The following RIMBP2 variants were observed in gnomAD, a reference collection of about 807,000 sequenced individuals.
RIMBP2 encodes the protein RIMS binding protein 2.
A neutral mutation model predicts 118.6 loss-of-function variants in RIMBP2; 48 were observed. That is an observed-to-expected ratio of 0.40 (90% CI 0.32 to 0.51). The LOEUF (loss-of-function observed/expected upper bound fraction) is 0.51, where lower values mean the gene tolerates loss of function less well. RIMBP2 is among the 20% of genes least tolerant of loss of function. The pLI, the probability that RIMBP2 is intolerant of heterozygous loss-of-function variation, is 0.41. For synonymous variants in RIMBP2, 762 were observed against 742.9 expected, an observed-to-expected ratio of 1.03 and a Z score of -0.42; for missense variants, 1,551 against 1,768.3, an observed-to-expected ratio of 0.88 and a Z score of 2.20.
intron 2 of RIMBP2, among the ~76,000 whole-genome samples, chr12:130,585,478 C>G (rs2058822699): frequency 6.6e-6 from 1 of 151,906 alleles, no homozygotes; most frequent in Non-Finnish European, 1.5e-5. Flanking sequence ...AGGTTGTGGT[C>G]ATATGTGCCT....
intron 5 of RIMBP2, among the ~76,000 whole-genome samples, chr12:130,476,644 C>T (rs995779585): frequency 6.6e-6 from 1 of 152,228 alleles, no homozygotes; most frequent in Non-Finnish European, 1.5e-5. Context: ...CAGCCCTCGG[C>T]GTGGTGGGTG....
intron 1 of RIMBP2, among the ~76,000 whole-genome samples, chr12:130,689,568 T>G (rs2065221464): frequency 6.6e-6 from 1 of 152,130 alleles, no homozygotes; most frequent in Non-Finnish European, 1.5e-5. Flanking sequence ...CCAGGCTGTC[T>G]CCCGTGCAGT....
intron 2 of RIMBP2, among the ~76,000 whole-genome samples, chr12:130,612,809 TG>T (rs2060639864): frequency 6.6e-6 from 1 of 152,004 alleles, no homozygotes; most frequent in Non-Finnish European, 1.5e-5. Flanking sequence ...CCCATCCGGG[TG>T]AAGCAAGGTA....
At chr12:130,586,410 C>A (rs952611902) in intron 2 of RIMBP2, among the ~76,000 whole-genome samples, 2 of 152,162 alleles carry the variant, frequency 1.3e-5, no homozygotes, top group Admixed American at 1.3e-4. Context: ...CAAGATAACG[C>A]CACAGCACTC....
intron 2 of RIMBP2, among the ~76,000 whole-genome samples, chr12:130,603,378 T>G (rs901693): frequency 6.6e-6 from 1 of 152,032 alleles, no homozygotes; most frequent in Non-Finnish European, 1.5e-5. Context: ...TCAACACATG[T>G]GCTCGGAAGG....
At chr12:130,561,368 C>G (rs2056810812) in intron 2 of RIMBP2, among the ~76,000 whole-genome samples, 1 of 152,106 alleles carries the variant, frequency 6.6e-6, no homozygotes, top group Non-Finnish European at 1.5e-5. Context: ...TGTCTCAAAC[C>G]AGGGGTTGAG....
chr12:130,648,702 G>A (rs1325024803), intron 1 of RIMBP2, among the ~76,000 whole-genome samples: 1 of 141,954 alleles, frequency 7.0e-6, no homozygotes, highest in African/African-American at 2.5e-5. Context: ...TGTTGCCCAG[G>A]CTGGAGTGCA....
At chr12:130,595,458 G>T (rs1211317195) in intron 2 of RIMBP2, among the ~76,000 whole-genome samples, 2 of 152,092 alleles carry the variant, frequency 1.3e-5, no homozygotes, top group Non-Finnish European at 2.9e-5. Flanking sequence ...CTCAGGACAG[G>T]AGAATGGCGT....
intron 7 of RIMBP2, 111 bp from the exon 8 acceptor site, chr12:130,451,451 G>A: frequency 4.2e-6 from 5 of 1,193,680 alleles, no homozygotes; most frequent in Non-Finnish European, 5.8e-6. Context: ...AACAGCCACT[G>A]ATTTTCATTT....
intron 2 of RIMBP2, among the ~76,000 whole-genome samples, chr12:130,605,496 C>T (rs557978882): frequency 2.6e-5 from 4 of 152,182 alleles, no homozygotes; most frequent in East Asian, 3.9e-4. Flanking sequence ...GGATGACCAC[C>T]GTATGCTATT....
intron 2 of RIMBP2, among the ~76,000 whole-genome samples, chr12:130,594,105 A>G (rs900803544): frequency 1.1e-4 from 17 of 152,258 alleles, no homozygotes; most frequent in African/African-American, 4.1e-4. Context: ...CACTGTAGAC[A>G]CTGAAGAATT....
At chr12:130,579,476 G>A (rs534154695) in intron 2 of RIMBP2, among the ~76,000 whole-genome samples, 28 of 152,286 alleles carry the variant, frequency 1.8e-4, no homozygotes, top group Admixed American at 1.3e-3. Flanking sequence ...TCTTGGGAGC[G>A]TGTGTCTGGT....
intron 7 of RIMBP2, 39 bp downstream of exon 7, chr12:130,456,457 C>CT (rs772829546): frequency 6.6e-7 from 1 of 1,521,484 alleles, no homozygotes; most frequent in Admixed American, 2.0e-5. Context: ...CGGCCATTCT[C>CT]TCCCCACCAC....
At chr12:130,487,397 G>A (rs532439446) in intron 4 of RIMBP2, among the ~76,000 whole-genome samples, 17 of 152,216 alleles carry the variant, frequency 1.1e-4, no homozygotes, top group Admixed American at 9.2e-4. Context: ...GAGTTCACTC[G>A]AGAGCTGGTT....
intron 10 of RIMBP2, among the ~76,000 whole-genome samples, chr12:130,443,565 T>A (rs1158400169): frequency 6.6e-6 from 1 of 152,038 alleles, no homozygotes; most frequent in Non-Finnish European, 1.5e-5. Context: ...CAGGGGAGCA[T>A]GTGATGTGTT....
intron 14 of RIMBP2, among the ~76,000 whole-genome samples, chr12:130,432,996 A>C (rs185832551): frequency 6.6e-6 from 1 of 152,296 alleles, no homozygotes; most frequent in African/African-American, 2.4e-5. Context: ...CGAGGGGTCA[A>C]GGCCTGGCTG....
chr12:130,593,001 C>A (rs925051506), intron 2 of RIMBP2, among the ~76,000 whole-genome samples: 2 of 152,188 alleles, frequency 1.3e-5, no homozygotes, highest in Non-Finnish European at 2.9e-5. Flanking sequence ...TGCTGAAAAC[C>A]CTCCCAGGGC....
intron 2 of RIMBP2, among the ~76,000 whole-genome samples, chr12:130,590,927 C>T (rs927891571): frequency 6.6e-6 from 1 of 152,160 alleles, no homozygotes; most frequent in South Asian, 2.1e-4. Context: ...GGATTGTCGC[C>T]CCAGAGCAAG....
intron 2 of RIMBP2, among the ~76,000 whole-genome samples, chr12:130,526,928 G>T (rs778560915): frequency 1.1e-3 from 165 of 152,284 alleles, no homozygotes; most frequent in Non-Finnish European, 2.0e-3. Flanking sequence ...GGGAAGAAAA[G>T]CCGCTGGTGG....
Sources: allele counts gnomAD v4.1 joint callset (sites outside exome capture counted in the v4.1 genomes callset), GRCh38; gene constraint gnomAD v4.1.1; transcripts MANE v1.5; gene names NCBI Gene and HGNC (gene_info 2026-07-23, HGNC 2026-07-21).